NCAM2: variants seen among roughly 807,000 people sequenced by gnomAD.
The protein encoded by NCAM2 is N-CAM-2.
NCAM2 carries 30 observed loss-of-function variants against 98.1 expected under a neutral mutation model. The observed-to-expected ratio is 0.31, with a 90% CI of 0.23 to 0.41. The LOEUF (loss-of-function observed/expected upper bound fraction) is 0.41. Among genes scored for constraint, NCAM2 ranks in the 10% least tolerant of loss-of-function variants. The pLI is 1.00. For synonymous variants in NCAM2, 368 were observed against 342.4 expected (o/e 1.07, Z -0.83); for missense variants, 867 against 1,005.8 (o/e 0.86, Z 1.87).
In NCAM2 at chr21:21,144,640, T is replaced by C. The variant is rs570438433; in HGVS notation, c.56-135938T>C. ...TCTTAAAGTTAATATTTCCATTCTT[T>C]TGACATCTTTGAATTCCCCTTGAAA... On this transcript the variant is annotated intron_variant, in intron 1 of 17. Coordinates refer to ENST00000400546, the MANE Select transcript of NCAM2 (RefSeq NM_004540.5). Among the ~76,000 whole-genome samples, 8 of 152,314 alleles carry C rather than the reference T, an allele frequency of 5.3e-5. No homozygotes were observed. The East Asian group carries it at 1.5e-3, about 29-fold the overall frequency.
intron 11 of NCAM2, among the ~76,000 whole-genome samples, chr21:21,425,952 G>T (rs2077206224): frequency 6.6e-6 from 1 of 152,120 alleles, no homozygotes; most frequent in African/African-American, 2.4e-5. Flanking sequence ...TAGGGGCTGG[G>T]AAATTCAAGA....
intron 5 of NCAM2, among the ~76,000 whole-genome samples, chr21:21,300,207 G>A (rs753281195): frequency 6.6e-6 from 1 of 151,888 alleles, no homozygotes; most frequent in Non-Finnish European, 1.5e-5. Context: ...CAAAGTGTCA[G>A]ACCTGTGAGA....
intron 1 of NCAM2, among the ~76,000 whole-genome samples, chr21:21,123,343 G>A (rs1166064173): frequency 1.3e-5 from 2 of 151,306 alleles, no homozygotes; most frequent in Non-Finnish European, 2.9e-5. Context: ...CTTGCAGTGA[G>A]TCAAGATCGC....
At chr21:21,193,555 G>A (rs563514323) in intron 1 of NCAM2, among the ~76,000 whole-genome samples, 1 of 149,638 alleles carries the variant, frequency 6.7e-6, no homozygotes, top group South Asian at 2.1e-4. Flanking sequence ...GAGTGCAATG[G>A]CGCGATCTCG....
In NCAM2 at chr21:21,468,962, C is replaced by G. The variant is rs2212630; in HGVS notation, c.1896+179C>G. Among the ~76,000 whole-genome samples, 79,912 of 151,378 alleles carry G rather than the reference C, an allele frequency of 0.53. 21,968 individuals are homozygous for G. The highest frequency in any genetic ancestry group is 0.59 in the African/African-American group (24,346 of 41,322). ...TTTTTTTTTATTTTTTTTGTAAAATCTAAGCATGGATCATCAAAGTATTCT... is the reference window on the plus strand; with the variant it reads ...TTTTTTTTTATTTTTTTTGTAAAATGTAAGCATGGATCATCAAAGTATTCT... On this transcript the variant is annotated intron_variant, in intron 14 of 17. Transcript: ENST00000400546.
At chr21:21,045,873 TTCTC>T (rs771741011) in intron 1 of NCAM2, among the ~76,000 whole-genome samples, 2 of 152,218 alleles carry the variant, frequency 1.3e-5, no homozygotes, top group Non-Finnish European at 1.5e-5. Context: ...TTCAAGACTA[TTCTC>T]TCTGACATAT....
Position 21,537,941 on chromosome 21 carries a change from A to G in NCAM2, c.2498A>G (p.Asp833Gly). The change falls in exon 18 of 18, where the codon GAC (aspartate) becomes GGC (glycine). Residue 833 changes from aspartate (D) to glycine (G), a missense_variant. Asp to Gly is a moderately conservative substitution (Grantham distance 94). Around this residue, in one of 5 missense-constraint regions of NCAM2, gnomAD observed 125 missense variants for 116.1 expected, o/e 1.08. Coordinates refer to ENST00000400546, the MANE Select transcript of NCAM2 (RefSeq NM_004540.5). Reference sequence around the variant, plus strand: ...AACGACATCATTCAATCAAAAGAAGACGACAGCAAAGCATAACAACAATAT... The same window carrying G: ...AACGACATCATTCAATCAAAAGAAGGCGACAGCAAAGCATAACAACAATAT... Reference protein sequence around the residue: ...VSNDIIQSKEDDSKA With the variant: ...VSNDIIQSKEGDSKA 1 of 1,550,618 alleles carries G rather than the reference A, an allele frequency of 6.4e-7. No homozygotes were observed. Among genetic ancestry groups the G allele is most frequent in the Admixed American group, 1.9e-5 (1 of 51,944 alleles).
intron 1 of NCAM2, among the ~76,000 whole-genome samples, chr21:21,212,168 A>G (rs564110628): frequency 1.3e-5 from 2 of 152,358 alleles, no homozygotes; most frequent in Admixed American, 1.3e-4. Flanking sequence ...ATGTCCTTCA[A>G]GAGGTGAATG....
chr21:21,038,667 G>A (rs143036464), intron 1 of NCAM2, among the ~76,000 whole-genome samples: 14 of 152,268 alleles, frequency 9.2e-5, no homozygotes, highest in Admixed American at 6.5e-4. Flanking sequence ...CCAGCCCTGC[G>A]GAACTGTAAG....
At chr21:21,324,571 A>C in intron 6 of NCAM2, 71 bp downstream of exon 6, 1 of 1,051,344 alleles carries the variant, frequency 9.5e-7, no homozygotes, top group East Asian at 2.4e-5. Flanking sequence ...TGGGGATCTT[A>C]ATCATTTTGG....
intron 12 of NCAM2, among the ~76,000 whole-genome samples, chr21:21,463,031 T>C (rs1315468793): frequency 6.6e-6 from 1 of 152,086 alleles, no homozygotes; most frequent in Non-Finnish European, 1.5e-5. Flanking sequence ...TGTTGTTCTG[T>C]TTGTATATGC....
chr21:21,344,428 G>A (rs1350789434), intron 8 of NCAM2, among the ~76,000 whole-genome samples: 1 of 152,132 alleles, frequency 6.6e-6, no homozygotes, highest in Non-Finnish European at 1.5e-5. Flanking sequence ...AGGCCAGGCA[G>A]CATTCACCAC....
At chr21:21,053,430 C>T (rs2146302473) in intron 1 of NCAM2, among the ~76,000 whole-genome samples, 1 of 151,954 alleles carries the variant, frequency 6.6e-6, no homozygotes, top group African/African-American at 2.4e-5. Flanking sequence ...GCATGTGGAC[C>T]AGTTACCATT....
At chr21:21,300,153 C>T (rs556727092) in intron 5 of NCAM2, among the ~76,000 whole-genome samples, 2 of 72,544 alleles carry the variant, frequency 2.8e-5, no homozygotes, top group East Asian at 3.4e-4. Flanking sequence ...ATGTAAATGC[C>T]CTATTCTTAA....
At chr21:21,493,695 CT>C (rs1987007653) in intron 15 of NCAM2, among the ~76,000 whole-genome samples, 1 of 151,856 alleles carries the variant, frequency 6.6e-6, no homozygotes, top group African/African-American at 2.4e-5. Context: ...CCTCTGTGTC[CT>C]AAAAATCCTC....
intron 9 of NCAM2, among the ~76,000 whole-genome samples, chr21:21,407,260 T>C (rs2076758908): frequency 1.3e-5 from 2 of 152,246 alleles, no homozygotes; most frequent in South Asian, 4.1e-4. Context: ...TTACAAAGCA[T>C]ATCCTGTATA....
At chr21:21,461,744 T>C (rs774981250) in intron 12 of NCAM2, among the ~76,000 whole-genome samples, 1 of 152,054 alleles carries the variant, frequency 6.6e-6, no homozygotes, top group South Asian at 2.1e-4. Flanking sequence ...ATTATGCAAG[T>C]AATGAGAACT....
intron 6 of NCAM2, among the ~76,000 whole-genome samples, chr21:21,331,709 C>A (rs1396639833): frequency 1.3e-4 from 19 of 141,378 alleles, no homozygotes; most frequent in South Asian, 2.4e-4. Context: ...CCTGCCTCAG[C>A]CTTCGAGTAC....
chr21:21,294,518 T>G (rs559946980), intron 5 of NCAM2, among the ~76,000 whole-genome samples: 2 of 151,914 alleles, frequency 1.3e-5, no homozygotes, highest in Non-Finnish European at 1.5e-5. Context: ...GATTCTAATA[T>G]GAACATCTTT....
Sources: gnomAD v4.1 joint callset for allele counts (sites outside exome capture counted in the v4.1 genomes callset) on GRCh38, gnomAD v4.1.1 for gene constraint, gnomAD v4.1.1 regional missense constraint, MANE v1.5 for transcripts, NCBI Gene and HGNC (gene_info 2026-07-23, HGNC 2026-07-21) for gene names.